DIP2C: variants seen among roughly 807,000 people sequenced by gnomAD.
The protein encoded by DIP2C is disco-interacting protein 2 homolog C.
DIP2C carries 33 observed loss-of-function variants against 192.4 expected under a neutral mutation model. The observed-to-expected ratio is 0.17, with a 90% CI of 0.13 to 0.23. The LOEUF is 0.23. Among genes scored for constraint, DIP2C ranks in the 10% least tolerant of loss-of-function variants. The probability of loss-of-function intolerance (pLI) is 1.00; values close to 1 mark genes in which losing one functional copy is unlikely to be tolerated. For synonymous variants in DIP2C, 979 were observed against 864.1 expected (o/e 1.13, Z -2.33); for missense variants, 1,537 against 2,110.1 (o/e 0.73, Z 5.32).
At chr10:515,523 G>A (rs1846296866) in intron 1 of DIP2C, among the ~76,000 whole-genome samples, 1 of 152,094 alleles carries the variant, frequency 6.6e-6, no homozygotes, top group Non-Finnish European at 1.5e-5. Flanking sequence ...AGGAGTTCAA[G>A]ACCAGCCTGG....
intron 1 of DIP2C, among the ~76,000 whole-genome samples, chr10:538,027 CG>C (rs1847787353): frequency 6.6e-6 from 1 of 151,118 alleles, no homozygotes; most frequent in South Asian, 2.1e-4. Context: ...TGGCCTCAAG[CG>C]ATCTGCTGCC....
At chr10:548,209 C>T (rs1355220668) in intron 1 of DIP2C, among the ~76,000 whole-genome samples, 1 of 34,902 alleles carries the variant, frequency 2.9e-5, no homozygotes, top group Non-Finnish European at 5.9e-5. Context: ...GTCTGCCCCA[C>T]CCCCCCCCCC....
At chr10:644,055 C>T (rs781090177) in intron 1 of DIP2C, among the ~76,000 whole-genome samples, 3 of 152,196 alleles carry the variant, frequency 2.0e-5, no homozygotes, top group Non-Finnish European at 2.9e-5. Flanking sequence ...TAGGAAGCTG[C>T]GGCTGTTTTA....
chr10:450,843 C>A (rs2089715751), intron 3 of DIP2C, among the ~76,000 whole-genome samples: 1 of 152,230 alleles, frequency 6.6e-6, no homozygotes, highest in South Asian at 2.1e-4. Context: ...CTTGTTTCAA[C>A]TGAGGCAACT....
chr10:643,889 A>G (rs558325031), intron 1 of DIP2C, among the ~76,000 whole-genome samples: 1 of 152,398 alleles, frequency 6.6e-6, no homozygotes, highest in Non-Finnish European at 1.5e-5. Context: ...TCACAGACGT[A>G]TGAGGGTGTA....
intron 8 of DIP2C, 70 bp from the exon 9 acceptor site, chr10:409,087 G>T: frequency 6.6e-7 from 1 of 1,523,188 alleles, no homozygotes; most frequent in Non-Finnish European, 9.0e-7. Flanking sequence ...GCAAGTCAAA[G>T]TCTAGGACAT....
chr10:667,705 G>GT (rs1857181958), intron 1 of DIP2C: 1 of 148,628 alleles, frequency 6.7e-6, no homozygotes, highest in Non-Finnish European at 1.5e-5. Context: ...TACAGCACAC[G>GT]TAACACATAC....
chr10:526,926 G>C (rs946899967), intron 1 of DIP2C, among the ~76,000 whole-genome samples: 65 of 152,330 alleles, frequency 4.3e-4, no homozygotes, highest in African/African-American at 1.4e-3. Context: ...AGGTGCATCA[G>C]GCAGCAAGCA....
chr10:440,747 T>G, intron 4 of DIP2C, 124 bp downstream of exon 4: 1 of 1,396,026 alleles, frequency 7.2e-7, no homozygotes, highest in East Asian at 2.4e-5. Flanking sequence ...TTTGGACTTC[T>G]GGTTCACAAA....
Position 685,161 on chromosome 10 carries a change from AATAT to A in DIP2C, c.85+4329_85+4332del, listed in dbSNP as rs1222919501. 1.1e-3 allele frequency among the ~76,000 whole-genome samples: 34 copies of A among 31,804 alleles called. 1 individual carries two copies. The highest frequency in any genetic ancestry group is 3.4e-3 in the African/African-American group (33 of 9,594). The allele number at this position is 31,804 out of a possible 152,430, so 20.9% of individuals were successfully genotyped here. On this transcript the variant is annotated intron_variant, in intron 1 of 36. Coordinates refer to ENST00000280886, the MANE Select transcript of DIP2C (RefSeq NM_014974.3). ...AAAAAAAAAAAAAAAAAAAAAAAAAAATATATATATATATATATATATATACATA... is the reference window on the plus strand; with the variant it reads ...AAAAAAAAAAAAAAAAAAAAAAAAAAATATATATATATATATATATACATA...
intron 1 of DIP2C, among the ~76,000 whole-genome samples, chr10:532,029 T>G (rs937646905): frequency 9.9e-5 from 15 of 152,226 alleles, no homozygotes; most frequent in African/African-American, 3.6e-4. Context: ...AGAATGCAGA[T>G]GGCTGCTGTT....
intron 29 of DIP2C, among the ~76,000 whole-genome samples, chr10:332,349 T>C (rs1214377170): frequency 6.6e-6 from 1 of 152,198 alleles, no homozygotes; most frequent in Non-Finnish European, 1.5e-5. Flanking sequence ...GGCCAGAGAA[T>C]TTCAAATATA....
chr10:631,155 G>T (rs1854495829), intron 1 of DIP2C: 1 of 152,256 alleles, frequency 6.6e-6, no homozygotes, highest in South Asian at 2.1e-4. Context: ...CTTGCTTAAA[G>T]TATTAATTTC....
intron 28 of DIP2C, among the ~76,000 whole-genome samples, chr10:343,169 G>A (rs1000868432): frequency 6.6e-6 from 1 of 152,180 alleles, no homozygotes; most frequent in African/African-American, 2.4e-5. Context: ...CATGCCTGTA[G>A]TCCCAGCTAC....
chr10:591,739 C>T (rs1224088931), intron 1 of DIP2C, among the ~76,000 whole-genome samples: 1 of 152,140 alleles, frequency 6.6e-6, no homozygotes, highest in Non-Finnish European at 1.5e-5. Context: ...AACCGAGACT[C>T]CAAATAAAAG....
intron 1 of DIP2C, among the ~76,000 whole-genome samples, chr10:491,672 T>C (rs1351166567): frequency 6.6e-6 from 1 of 152,224 alleles, no homozygotes; most frequent in Non-Finnish European, 1.5e-5. Flanking sequence ...AGCACCTATC[T>C]ACTTGCTGCC....
At chr10:660,760 A>G (rs935341711) in intron 1 of DIP2C, among the ~76,000 whole-genome samples, 6 of 152,234 alleles carry the variant, frequency 3.9e-5, no homozygotes, top group Non-Finnish European at 8.8e-5. Context: ...TCCTAGCATC[A>G]AGAGTCAGGT....
intron 1 of DIP2C, among the ~76,000 whole-genome samples, chr10:533,209 G>A (rs189503431): frequency 3.9e-5 from 6 of 152,068 alleles, no homozygotes; most frequent in South Asian, 2.1e-4. Context: ...CAGCATCTCC[G>A]GTATGAGGAG....
chr10:503,474 AGG>A (rs755282690), intron 1 of DIP2C, among the ~76,000 whole-genome samples: 76 of 152,338 alleles, frequency 5.0e-4, no homozygotes, highest in Non-Finnish European at 9.3e-4. Context: ...TAAAACTACA[AGG>A]GAGAAACAAA....
Sources: gnomAD v4.1 joint callset for allele counts (sites outside exome capture counted in the v4.1 genomes callset) on GRCh38, gnomAD v4.1.1 for gene constraint, MANE v1.5 for transcripts, NCBI Gene and HGNC (gene_info 2026-07-23, HGNC 2026-07-21) for gene names.